Variants in ARHGAP6 observed in about 807,000 individuals in gnomAD.
ARHGAP6 encodes Rho GTPase activating protein 6, also known as rho GTPase-activating protein 6.
In ARHGAP6, 16 loss-of-function variants were observed where a neutral mutation model predicts 55.7. The observed-to-expected ratio is 0.29, with a 90% CI of 0.19 to 0.44. The LOEUF is 0.44. Ranked by LOEUF, ARHGAP6 falls within the 20% of genes least tolerant of loss-of-function variation. The pLI, the probability that ARHGAP6 is intolerant of heterozygous loss-of-function variation, is 1.00. For missense variants in ARHGAP6, 698 were observed against 808.9 expected (o/e 0.86, Z 1.66); for synonymous variants, 382 against 360.9 (o/e 1.06, Z -0.66).
intron 1 of ARHGAP6, among the ~76,000 whole-genome samples, chrX:11,380,542 T>C (rs1175377762): frequency 8.9e-6 from 1 of 112,162 alleles, no homozygotes; most frequent in African/African-American, 3.2e-5. Context: ...CCCTTGAGTG[T>C]GCAAGAAGAA....
At chrX:11,497,559 T>TTCTCTCTCTCTCTCTCTC (rs34138329) in intron 1 of ARHGAP6, among the ~76,000 whole-genome samples, 23 of 41,144 alleles carry the variant, frequency 5.6e-4, no homozygotes, top group Admixed American at 1.1e-3. Flanking sequence ...CCCTCCCTCC[T>TTCTCTCTCTCTCTCTCTC]TCTCTCTCTC....
intron 2 of ARHGAP6, among the ~76,000 whole-genome samples, chrX:11,242,507 T>C (rs1346688711): frequency 2.7e-5 from 3 of 112,229 alleles, no homozygotes; most frequent in African/African-American, 9.7e-5. Context: ...TGCTGACTTT[T>C]CATGATCTAG....
At chrX:11,624,813 AG>A (rs2052275851) in intron 1 of ARHGAP6, among the ~76,000 whole-genome samples, 1 of 111,913 alleles carries the variant, frequency 8.9e-6, no homozygotes, top group Non-Finnish European at 1.9e-5. Context: ...AGCCTCCCAA[AG>A]TGCTGGGATT....
chrX:11,275,253 C>G (rs1404137351), intron 1 of ARHGAP6, among the ~76,000 whole-genome samples: 1 of 111,139 alleles, frequency 9.0e-6, no homozygotes, highest in Non-Finnish European at 1.9e-5. Context: ...CTTATATAGA[C>G]AAATATTTAT....
chrX:11,597,430 T>C (rs1424658961), intron 1 of ARHGAP6, among the ~76,000 whole-genome samples: 1 of 111,970 alleles, frequency 8.9e-6, no homozygotes, highest in African/African-American at 3.2e-5. Flanking sequence ...GTGAAGTTTA[T>C]GGCCAATTTA....
At chrX:11,317,502 A>C (rs1056440478) in intron 1 of ARHGAP6, among the ~76,000 whole-genome samples, 5 of 112,391 alleles carry the variant, frequency 4.4e-5, no homozygotes, top group Non-Finnish European at 7.5e-5. Flanking sequence ...AATGAAGAGC[A>C]CTGCAGGAAA....
chrX:11,156,754 G>C (rs2045870022), intron 9 of ARHGAP6, 128 bp from the exon 10 acceptor site: 7 of 506,316 alleles, frequency 1.4e-5, no homozygotes, highest in Non-Finnish European at 2.0e-5. Context: ...TGATTTGCTG[G>C]TTAAAACCAA....
chrX:11,400,510 T>TC (rs1180478175), intron 1 of ARHGAP6, among the ~76,000 whole-genome samples: 2 of 94,230 alleles, frequency 2.1e-5, no homozygotes, highest in Non-Finnish European at 4.2e-5. Flanking sequence ...CCGCACCCCG[T>TC]CCCCCCCTGG....
At chrX:11,596,572 T>C (rs2051906661) in intron 1 of ARHGAP6, among the ~76,000 whole-genome samples, 1 of 111,401 alleles carries the variant, frequency 9.0e-6, no homozygotes, top group Non-Finnish European at 1.9e-5. Context: ...TAAAGTATAT[T>C]AAAAATAAAA....
chrX:11,585,720 A>G (rs930011097), intron 1 of ARHGAP6, among the ~76,000 whole-genome samples: 15 of 112,142 alleles, frequency 1.3e-4, no homozygotes, highest in Middle Eastern at 4.2e-3. Flanking sequence ...CCATTGTATT[A>G]GTCCATTCTC....
chrX:11,147,567 C>G (rs1230865769), intron 10 of ARHGAP6, among the ~76,000 whole-genome samples: 3 of 112,447 alleles, frequency 2.7e-5, no homozygotes, highest in African/African-American at 9.7e-5. Flanking sequence ...CTGTGTCTGT[C>G]CATTTTCCAT....
intron 1 of ARHGAP6, among the ~76,000 whole-genome samples, chrX:11,299,335 C>G (rs1010768602): frequency 8.9e-6 from 1 of 111,784 alleles, no homozygotes; most frequent in African/African-American, 3.3e-5. Flanking sequence ...GTTTGACTAG[C>G]AAGAATAGGC....
chrX:11,578,292 A>G (rs2051625539), intron 1 of ARHGAP6, among the ~76,000 whole-genome samples: 1 of 111,697 alleles, frequency 9.0e-6, no homozygotes, highest in Non-Finnish European at 1.9e-5. Context: ...TCACCAATGA[A>G]GGGTTATCAC....
At chrX:11,614,644 C>A (rs2052141935) in intron 1 of ARHGAP6, among the ~76,000 whole-genome samples, 1 of 111,572 alleles carries the variant, frequency 9.0e-6, no homozygotes, top group African/African-American at 3.3e-5. Flanking sequence ...ACCATATCAC[C>A]CTGAAACACA....
intron 1 of ARHGAP6, among the ~76,000 whole-genome samples, chrX:11,347,199 G>A (rs908308587): frequency 3.6e-5 from 4 of 112,250 alleles, no homozygotes; most frequent in African/African-American, 1.3e-4. Flanking sequence ...GTACGCTAGA[G>A]AAAAATAGAA....
At chrX:11,194,157 CA>C (rs1487237585) in intron 3 of ARHGAP6, among the ~76,000 whole-genome samples, 1 of 112,322 alleles carries the variant, frequency 8.9e-6, no homozygotes, top group East Asian at 2.8e-4. Context: ...ATAGAATGAG[CA>C]AAAACTCTAG....
chrX:11,191,903 C>A (rs6654936), intron 3 of ARHGAP6, among the ~76,000 whole-genome samples: 37 of 111,986 alleles, frequency 3.3e-4, no homozygotes, highest in African/African-American at 1.2e-3. Context: ...TACATTCTTG[C>A]CCCTTTTTCT....
intron 3 of ARHGAP6, among the ~76,000 whole-genome samples, chrX:11,189,303 G>A (rs1025112831): frequency 8.9e-6 from 1 of 112,020 alleles, no homozygotes; most frequent in Non-Finnish European, 1.9e-5. Flanking sequence ...GCAATGGGAG[G>A]CGCAAAGCTT....
chrX:11,222,587 C>T (rs1221058196), intron 2 of ARHGAP6, among the ~76,000 whole-genome samples: 1 of 111,954 alleles, frequency 8.9e-6, no homozygotes, highest in Non-Finnish European at 1.9e-5. Flanking sequence ...AAAAAGCTCC[C>T]AGAAAATATT....
Sources: gnomAD v4.1 joint callset for allele counts (sites outside exome capture counted in the v4.1 genomes callset) on GRCh38, gnomAD v4.1.1 for gene constraint, MANE v1.5 for transcripts, NCBI Gene and HGNC (gene_info 2026-07-23, HGNC 2026-07-21) for gene names.